Variants in EPSTI1 observed in about 807,000 individuals in gnomAD.
EPSTI1 encodes epithelial-stromal interaction protein 1.
EPSTI1 carries 66 observed loss-of-function variants against 49.9 expected under a neutral mutation model. The ratio of observed to expected loss-of-function variants is 1.32; its 90% CI spans 1.08 to 1.62. The LOEUF (loss-of-function observed/expected upper bound fraction) is 1.62, where lower values mean the gene tolerates loss of function less well. Among genes scored for constraint, EPSTI1 ranks in the 40% most tolerant of loss-of-function variants. EPSTI1 has a pLI of 0.00. For synonymous variants in EPSTI1, 137 were observed against 130.7 expected (o/e 1.05, Z -0.33); for missense variants, 394 against 365.5 (o/e 1.08, Z -0.64).
chr13:42,984,835 A>C (rs1305856022), intron 1 of EPSTI1, among the ~76,000 whole-genome samples: 1 of 152,250 alleles, frequency 6.6e-6, no homozygotes, highest in African/African-American at 2.4e-5. Context: ...TGGATCAAGG[A>C]AATTAGGAAA....
In EPSTI1 at chr13:42,888,148, A is replaced by T; in HGVS notation, c.*346T>A. On this transcript the variant is annotated 3_prime_UTR_variant, in exon 11 of 11. Coordinates refer to ENST00000313624, the MANE Select transcript of EPSTI1 (RefSeq NM_033255.5). ...AGAATTAGATAAGAATATGTCACTT[A>T]GAAAGACAAGCCTGTAGCACCCATA... is the stretch of plus-strand genomic sequence containing the variant. 7.3e-7 allele frequency: 1 copy of T among 1,370,172 alleles called. No individual in the cohort carries two copies. The highest frequency in any genetic ancestry group is 1.0e-6 in the Non-Finnish European group (1 of 1,004,050). 84.9% of individuals were successfully genotyped at this position (1,370,172 alleles called of 1,614,324 possible).
chr13:42,985,953 C>T (rs760178904), intron 1 of EPSTI1, among the ~76,000 whole-genome samples: 5 of 152,224 alleles, frequency 3.3e-5, no homozygotes, highest in Non-Finnish European at 5.9e-5. Flanking sequence ...GAGAATTCCT[C>T]CTGTTTCCTC....
At chr13:42,960,113 C>A (rs1284679813) in intron 5 of EPSTI1, among the ~76,000 whole-genome samples, 1 of 152,020 alleles carries the variant, frequency 6.6e-6, no homozygotes, top group East Asian at 1.9e-4. Flanking sequence ...GAGGCAGCAA[C>A]CAATCTCCCA....
At chr13:42,983,155 T>C (rs949849761) in intron 1 of EPSTI1, among the ~76,000 whole-genome samples, 1 of 152,216 alleles carries the variant, frequency 6.6e-6, no homozygotes, top group African/African-American at 2.4e-5. Flanking sequence ...GCCATGAACC[T>C]AGGGATAGGT....
intron 6 of EPSTI1, among the ~76,000 whole-genome samples, chr13:42,940,639 A>T (rs1452927612): frequency 6.6e-6 from 1 of 152,150 alleles, no homozygotes; most frequent in Admixed American, 6.5e-5. Flanking sequence ...CAGTGGTGTG[A>T]TCATAACTCA....
intron 6 of EPSTI1, among the ~76,000 whole-genome samples, chr13:42,941,046 T>C (rs9533311): frequency 0.41 from 62,508 of 151,966 alleles, 13,914 homozygotes; most frequent in Non-Finnish European, 0.51. Flanking sequence ...ATATCTTCTA[T>C]CATAGATTTT....
At chr13:42,895,601 G>A (rs1010773440) in intron 9 of EPSTI1, among the ~76,000 whole-genome samples, 1 of 152,172 alleles carries the variant, frequency 6.6e-6, no homozygotes, top group African/African-American at 2.4e-5. Flanking sequence ...AGAAATGGAA[G>A]GTGAGCTTAT....
At chr13:42,918,054 A>ATCTGATTAAGCAGCTTGTCAACTAGTGG (rs1467223634) in intron 7 of EPSTI1, among the ~76,000 whole-genome samples, 1 of 152,196 alleles carries the variant, frequency 6.6e-6, no homozygotes, top group African/African-American at 2.4e-5. Context: ...CATTAATGAT[A>ATCTGATTAAGCAGCTTGTCAACTAGTGG]TCTGATTAAG....
intron 8 of EPSTI1, among the ~76,000 whole-genome samples, chr13:42,903,177 A>AATAC: frequency 6.6e-6 from 1 of 152,022 alleles, no homozygotes; most frequent in Admixed American, 6.6e-5. Context: ...AAAAGTATAA[A>AATAC]ATACATACAT....
At chr13:42,962,437 C>T (rs1474631541) in intron 5 of EPSTI1, among the ~76,000 whole-genome samples, 1 of 152,058 alleles carries the variant, frequency 6.6e-6, no homozygotes, top group Non-Finnish European at 1.5e-5. Context: ...TTACAGTTAT[C>T]ATATTAGGAA....
chr13:42,970,601 A>T lies in EPSTI1; in HGVS notation c.247+11T>A. 2.5e-6 allele frequency: 4 copies of T among 1,593,760 alleles called. No individual in the cohort carries two copies. In the South Asian group the frequency reaches 4.6e-5, roughly 18 times the overall value. On this transcript the variant is annotated intron_variant, in intron 2 of 10. Coordinates refer to ENST00000313624, the MANE Select transcript of EPSTI1 (RefSeq NM_033255.5). ...AAGCATTCTGAATGTTAAATGAATG[A>T]CTATACATACTTCTTTGTATCTCAT... is the stretch of plus-strand genomic sequence containing the variant.
intron 5 of EPSTI1, among the ~76,000 whole-genome samples, chr13:42,955,883 G>GC (rs201360284): frequency 0.013 from 1,840 of 144,600 alleles, 76 homozygotes; most frequent in African/African-American, 0.043. Flanking sequence ...TATTTGGGGG[G>GC]GGGGGGAAGT....
chr13:42,909,624 G>C (rs1246059773), intron 8 of EPSTI1, among the ~76,000 whole-genome samples: 1 of 151,956 alleles, frequency 6.6e-6, no homozygotes, highest in Non-Finnish European at 1.5e-5. Context: ...CTTGTCATTT[G>C]CAACAACATG....
chr13:42,891,248 T>C (rs960595508), intron 10 of EPSTI1, among the ~76,000 whole-genome samples: 1 of 152,242 alleles, frequency 6.6e-6, no homozygotes, highest in Non-Finnish European at 1.5e-5. Context: ...GCTTAATCAT[T>C]TTGGATAATA....
chr13:42,967,983 TGATCAGTACCTAA>T (rs1361474119), intron 3 of EPSTI1, among the ~76,000 whole-genome samples: 1 of 152,188 alleles, frequency 6.6e-6, no homozygotes, highest in Non-Finnish European at 1.5e-5. Flanking sequence ...AACAGAATTT[TGATCAGTACCTAA>T]GACTGAACAT....
chr13:42,936,445 G>A (rs1048546746), intron 6 of EPSTI1, among the ~76,000 whole-genome samples: 2 of 152,120 alleles, frequency 1.3e-5, no homozygotes, highest in Admixed American at 6.5e-5. Context: ...CACTGTCACT[G>A]GTCCTTCTCT....
At chr13:42,924,393 T>C (rs2038109137) in intron 7 of EPSTI1, among the ~76,000 whole-genome samples, 1 of 152,196 alleles carries the variant, frequency 6.6e-6, no homozygotes, top group Non-Finnish European at 1.5e-5. Context: ...TTGCTAATGC[T>C]TTGGATGACA....
At chr13:42,945,312 G>A (rs2038887203) in intron 6 of EPSTI1, among the ~76,000 whole-genome samples, 1 of 152,104 alleles carries the variant, frequency 6.6e-6, no homozygotes, top group African/African-American at 2.4e-5. Flanking sequence ...ACAGCAATGG[G>A]AAAGACCCAC....
chr13:42,956,554 T>G (rs2039278023), intron 5 of EPSTI1, among the ~76,000 whole-genome samples: 2 of 152,162 alleles, frequency 1.3e-5, no homozygotes, highest in Non-Finnish European at 2.9e-5. Context: ...CACCAAGATT[T>G]GTACTGCAGC....
Sources: gnomAD v4.1 joint callset for allele counts (sites outside exome capture counted in the v4.1 genomes callset) on GRCh38, gnomAD v4.1.1 for gene constraint, MANE v1.5 for transcripts, NCBI Gene and HGNC (gene_info 2026-07-23, HGNC 2026-07-21) for gene names.